SAMD5: variants seen among roughly 807,000 people sequenced by gnomAD.
The protein encoded by SAMD5 is sterile alpha motif domain containing 5.
Under a neutral mutation model 11.3 loss-of-function variants are expected in SAMD5, and 13 were observed. That is an observed-to-expected ratio of 1.15 (90% CI 0.75 to 1.83). The LOEUF (loss-of-function observed/expected upper bound fraction) is 1.83, where lower values mean the gene tolerates loss of function less well. Among genes scored for constraint, SAMD5 ranks in the 40% most tolerant of loss-of-function variants. SAMD5 has a pLI of 0.00. For missense variants in SAMD5, 255 were observed against 239.1 expected (o/e 1.07, Z -0.44); for synonymous variants, 129 against 111.3 (o/e 1.16, Z -1.00).
chr6:147,556,124 G>T (rs1049034585), intron 1 of SAMD5, among the ~76,000 whole-genome samples: 7 of 149,280 alleles, frequency 4.7e-5, no homozygotes, highest in African/African-American at 1.7e-4. Context: ...ATGGAGTCTT[G>T]CTCTGTCGCC....
At chr6:147,733,528 G>A (rs1791750537) in intron 1 of SAMD5, among the ~76,000 whole-genome samples, 1 of 150,784 alleles carries the variant, frequency 6.6e-6, no homozygotes, top group African/African-American at 2.4e-5. Flanking sequence ...TGGTCAGAAT[G>A]ATTTTTTAGT....
chr6:147,595,177 C>T (rs1277802866), intron 1 of SAMD5, among the ~76,000 whole-genome samples: 1 of 152,196 alleles, frequency 6.6e-6, no homozygotes, highest in Non-Finnish European at 1.5e-5. Context: ...CCTTGAGCAG[C>T]TCCTTAAAAA....
At chr6:147,764,293 G>A in the SAMD5 span, among the ~76,000 whole-genome samples, 837 of 152,212 alleles carry the variant, frequency 5.5e-3, 5 homozygotes, top group African/African-American at 0.019. Context: ...TGACAAGCCA[G>A]AAGCCAGGGA....
At chr6:147,777,183 G>C in the SAMD5 span, among the ~76,000 whole-genome samples, 17,168 of 151,492 alleles carry the variant, frequency 0.11, 1,074 homozygotes, top group Middle Eastern at 0.16. Flanking sequence ...TTTTTCTCTT[G>C]CACTTTCTGC....
intron 1 of SAMD5, among the ~76,000 whole-genome samples, chr6:147,635,761 C>T (rs930681203): frequency 6.6e-6 from 1 of 152,170 alleles, no homozygotes; most frequent in African/African-American, 2.4e-5. Flanking sequence ...GCCCAAATAG[C>T]CACTGCCCCT....
the SAMD5 span, among the ~76,000 whole-genome samples, chr6:147,858,790 A>G: frequency 6.6e-6 from 1 of 152,206 alleles, no homozygotes; most frequent in South Asian, 2.1e-4. Context: ...TAACAAGGAA[A>G]GCAAGCACAA....
chr6:147,539,399 G>C (rs1254315584), intron 1 of SAMD5, among the ~76,000 whole-genome samples: 1 of 152,118 alleles, frequency 6.6e-6, no homozygotes, highest in Non-Finnish European at 1.5e-5. Context: ...ACTATTATTA[G>C]CAATCCCTTG....
the SAMD5 span, among the ~76,000 whole-genome samples, chr6:147,846,228 C>T: frequency 1.3e-5 from 2 of 151,986 alleles, no homozygotes; most frequent in East Asian, 1.9e-4. Context: ...TTAGGGATTT[C>T]GGGGATATGT....
chr6:147,725,370 G>A, intron 1 of SAMD5, among the ~76,000 whole-genome samples: 1 of 148,730 alleles, frequency 6.7e-6, no homozygotes, highest in Admixed American at 6.8e-5. Flanking sequence ...GCCTCAGCAG[G>A]GCCTGGACTG....
chr6:147,688,844 A>G (rs1186827884), intron 1 of SAMD5, among the ~76,000 whole-genome samples: 1 of 152,214 alleles, frequency 6.6e-6, no homozygotes, highest in Non-Finnish European at 1.5e-5. Context: ...TTTGTAACAA[A>G]TTAGTCCATC....
chr6:147,542,071 C>T (rs1437877267), intron 1 of SAMD5, among the ~76,000 whole-genome samples: 1 of 152,326 alleles, frequency 6.6e-6, no homozygotes, highest in South Asian at 2.1e-4. Flanking sequence ...TACAGAAAGA[C>T]ACCCACCATG....
At chr6:147,656,338 A>C (rs1790567707) in intron 1 of SAMD5, among the ~76,000 whole-genome samples, 1 of 152,182 alleles carries the variant, frequency 6.6e-6, no homozygotes, top group African/African-American at 2.4e-5. Context: ...ATGTGGCTCC[A>C]TAAAAATAAA....
At chr6:147,786,622 A>G in the SAMD5 span, among the ~76,000 whole-genome samples, 3 of 152,230 alleles carry the variant, frequency 2.0e-5, no homozygotes, top group African/African-American at 7.2e-5. Context: ...GCTGATGTGG[A>G]AAATTTTCTC....
the SAMD5 span, among the ~76,000 whole-genome samples, chr6:147,827,481 T>G: frequency 6.6e-6 from 1 of 152,206 alleles, no homozygotes; most frequent in Non-Finnish European, 1.5e-5. Context: ...GAGCGGAACC[T>G]GTACTGGACC....
the SAMD5 span, among the ~76,000 whole-genome samples, chr6:147,794,780 G>A: frequency 0.034 from 5,209 of 152,098 alleles, 138 homozygotes; most frequent in Non-Finnish European, 0.052. Flanking sequence ...AATGTCCCTA[G>A]GTATTGTAGC....
chr6:147,668,371 T>C (rs912873411), intron 1 of SAMD5, among the ~76,000 whole-genome samples: 7 of 152,184 alleles, frequency 4.6e-5, no homozygotes, highest in Non-Finnish European at 8.8e-5. Context: ...GGCTACATAG[T>C]TTATAATTTT....
the SAMD5 span, among the ~76,000 whole-genome samples, chr6:147,949,770 A>G: frequency 1.3e-5 from 2 of 152,214 alleles, no homozygotes; most frequent in Non-Finnish European, 2.9e-5. Context: ...ATTGTTTGAG[A>G]ACTCTTATGT....
chr6:147,509,251 G>T lies in SAMD5; in HGVS notation c.323G>T (p.Gly108Val), dbSNP rs1388642510. The change falls in exon 1 of 2, where the codon GGG becomes GTG. Residue 108 changes from glycine (G) to valine (V), a missense_variant. Gly to Val is a moderately radical substitution (Grantham distance 109). Coordinates refer to ENST00000367474, the MANE Select transcript of SAMD5 (RefSeq NM_001030060.3). Reference sequence around the variant, plus strand: ...GGCGGCCCGGCCCAGGGCACCCGCGGGGACTCTCGCGGCCACACGACCGCC... The same window carrying T: ...GGCGGCCCGGCCCAGGGCACCCGCGTGGACTCTCGCGGCCACACGACCGCC... Reference protein sequence around the residue: ...PCGGPAQGTRGDSRGHTTAPR... With the variant: ...PCGGPAQGTRVDSRGHTTAPR... 1 of 1,519,474 alleles carries T rather than the reference G, an allele frequency of 6.6e-7. No homozygotes were observed. Among genetic ancestry groups the T allele is most frequent in the South Asian group, 1.2e-5 (1 of 80,932 alleles). 94.1% of individuals were successfully genotyped at this position (1,519,474 alleles called of 1,614,324 possible).
At chr6:147,850,854 A>G in the SAMD5 span, among the ~76,000 whole-genome samples, 2 of 152,092 alleles carry the variant, frequency 1.3e-5, no homozygotes, top group African/African-American at 4.8e-5. Flanking sequence ...CAGCTGTGGC[A>G]GTATCGCTGT....
Sources: gnomAD v4.1 joint callset for allele counts (sites outside exome capture counted in the v4.1 genomes callset) on GRCh38, gnomAD v4.1.1 for gene constraint, MANE v1.5 for transcripts, NCBI Gene and HGNC (gene_info 2026-07-23, HGNC 2026-07-21) for gene names.